The following RINT1 variants were observed in gnomAD, a reference collection of about 807,000 sequenced individuals.
RINT1 encodes the protein RAD50 interactor 1, also known as RAD50-interacting protein 1.
RINT1 carries 75 observed loss-of-function variants against 97.7 expected under a neutral mutation model. The ratio of observed to expected loss-of-function variants is 0.77; its 90% CI spans 0.64 to 0.93. The LOEUF is 0.93. Ranked by LOEUF, RINT1 falls within the 40% of genes least tolerant of loss-of-function variation. The pLI is 0.00. For synonymous variants in RINT1, 303 were observed against 326.3 expected (o/e 0.93, Z 0.77); for missense variants, 892 against 925.2 (o/e 0.96, Z 0.47).
chr7:105,564,747 T>TC (rs1791615460), intron 12 of RINT1, among the ~76,000 whole-genome samples: 1 of 152,144 alleles, frequency 6.6e-6, no homozygotes, highest in South Asian at 2.1e-4. Flanking sequence ...ACACCTGTAA[T>TC]CCCAGCACTT....
intron 11 of RINT1, among the ~76,000 whole-genome samples, chr7:105,557,176 TAATATG>T (rs1791216333): frequency 6.6e-6 from 1 of 152,074 alleles, no homozygotes; most frequent in African/African-American, 2.4e-5. Flanking sequence ...ATGAAAATTT[TAATATG>T]AATTATTAAT....
Position 105,565,668 on chromosome 7 carries a change from A to G in RINT1, c.2186+20A>G. Reference sequence around the variant, plus strand: ...TAAACAGTAAGCTCAACATTTAACAATTAATATTAATGTATCAAATTGTTA... The same window carrying G: ...TAAACAGTAAGCTCAACATTTAACAGTTAATATTAATGTATCAAATTGTTA... On this transcript the variant is annotated intron_variant, in intron 14 of 14. Transcript: ENST00000257700. 1 of 1,443,350 alleles carries G rather than the reference A, an allele frequency of 6.9e-7. No homozygotes were observed. Among genetic ancestry groups the G allele is most frequent in the African/African-American group, 1.4e-5 (1 of 71,266 alleles). 89.4% of individuals were successfully genotyped at this position (1,443,350 alleles called of 1,614,324 possible).
rs923511488 is a variant in RINT1, at chr7:105,548,603, C to T, written c.889C>T (p.Pro297Ser). 16 of 1,614,030 alleles carry T rather than the reference C, an allele frequency of 9.9e-6. No homozygotes were observed. The highest frequency in any genetic ancestry group is 1.4e-5 in the Non-Finnish European group (16 of 1,180,018). ...GCAACTCCCAGAAAAATACTCTCTT[C>T]CTGCCTCCCCTTCTGTCATCCTGCC... ...PKQLPEKYSL[P>S]ASPSVILPIQ... Residue 297 changes from proline to serine, a missense_variant, in exon 7 of 15, where the codon CCT (proline) becomes TCT (serine). Physicochemically the swap from Pro to Ser is moderately conservative, Grantham distance 74. Coordinates refer to ENST00000257700, the MANE Select transcript of RINT1 (RefSeq NM_021930.6).
chr7:105,549,977 C>T, intron 7 of RINT1, 78 bp from the exon 8 acceptor site: 1 of 906,194 alleles, frequency 1.1e-6, no homozygotes, highest in Non-Finnish European at 1.7e-6. Flanking sequence ...TGTGCATATA[C>T]AATTAAATAG....
At chr7:105,558,553 C>T (rs766477361) in intron 11 of RINT1, among the ~76,000 whole-genome samples, 4 of 152,062 alleles carry the variant, frequency 2.6e-5, no homozygotes, top group South Asian at 2.1e-4. Context: ...TGGCTGGGCA[C>T]GATGTCTCAC....
intron 3 of RINT1, among the ~76,000 whole-genome samples, chr7:105,540,079 CTTTT>C (rs769840794): frequency 7.4e-6 from 1 of 135,940 alleles, no homozygotes; most frequent in African/African-American, 2.7e-5. Flanking sequence ...ATGCCATTTT[CTTTT>C]TTTTTTTTTT....
At chr7:105,532,695 T>C (rs1790081921) in intron 1 of RINT1, 129 bp from the exon 2 acceptor site, 7 of 1,000,892 alleles carry the variant, frequency 7.0e-6, no homozygotes, top group Non-Finnish European at 1.1e-5. Flanking sequence ...CGGACGGCCC[T>C]GGTCGCTCAG....
At chr7:105,556,140 C>A (rs371140279) in intron 11 of RINT1, among the ~76,000 whole-genome samples, 3 of 150,700 alleles carry the variant, frequency 2.0e-5, no homozygotes, top group East Asian at 3.9e-4. Flanking sequence ...GATCTCGGCT[C>A]ACTGCAACCT....
At chr7:105,546,057 G>T (rs903156284) in intron 4 of RINT1, among the ~76,000 whole-genome samples, 5 of 152,088 alleles carry the variant, frequency 3.3e-5, no homozygotes, top group Admixed American at 6.6e-5. Context: ...TCAAACTCCT[G>T]ACCTCCGGAG....
chr7:105,567,141 T>C lies in RINT1; in HGVS notation c.2209T>C (p.Leu737=). 6.3e-7 allele frequency: 1 copy of C among 1,578,764 alleles called. No individual in the cohort carries two copies. Among genetic ancestry groups the C allele is most frequent in the African/African-American group, 1.4e-5 (1 of 73,198 alleles). The change falls in exon 15 of 15, where the codon TTG becomes CTG. Residue 737 remains leucine, a synonymous_variant. Coordinates refer to ENST00000257700, the MANE Select transcript of RINT1 (RefSeq NM_021930.6). ...FKHIKEACIV[L]NLNVGSALLL... is the part of the protein sequence containing the mutation. ...CAGTATAAAAGAAGCCTGTATTGTT[T>C]TGAATTTGAACGTCGGTTCTGCACT...
intron 2 of RINT1, chr7:105,535,618 T>A: frequency 2.2e-6 from 1 of 453,558 alleles, no homozygotes; most frequent in South Asian, 1.6e-5. Context: ...AGTAGTGAGA[T>A]CATGGCTCAC....
chr7:105,532,774 C>T, intron 1 of RINT1, 50 bp from the exon 2 acceptor site: 1 of 1,596,852 alleles, frequency 6.3e-7, no homozygotes, highest in Non-Finnish European at 8.6e-7. Context: ...GTATGCTTTC[C>T]ATCCACGACT....
At position 105,563,632 on chromosome 7, in the gene RINT1, G is replaced by C. The variant is rs1586266556; in HGVS notation, c.1672-101G>C. On this transcript the variant is annotated intron_variant, in intron 11 of 14. Transcript: ENST00000257700. ...CAGGCATGAGCCACCGTGCCCGGTC[G>C]AATTATACACTTTAAATGGGTGAAT... 2.9e-6 allele frequency: 3 copies of C among 1,028,882 alleles called. No individual in the cohort carries two copies. In the South Asian group the frequency reaches 4.7e-5, roughly 16 times the overall value. The allele number at this position is 1,028,882 out of a possible 1,614,324, so 63.7% of individuals were successfully genotyped here.
chr7:105,563,651 G>A lies in RINT1; in HGVS notation c.1672-82G>A, dbSNP rs919568615. On this transcript the variant is annotated intron_variant, in intron 11 of 14. Transcript: ENST00000257700. ...CCGGTCGAATTATACACTTTAAATG[G>A]GTGAATTGTATGACATATGAATTCT... is the stretch of plus-strand genomic sequence containing the variant. The A allele has an allele frequency of 3.3e-5, 39 of 1,173,984 alleles. No individual in the cohort carries two copies. In the African/African-American group the frequency reaches 5.3e-4, roughly 16 times the overall value. 72.7% of individuals were successfully genotyped at this position (1,173,984 alleles called of 1,614,324 possible).
intron 3 of RINT1, among the ~76,000 whole-genome samples, chr7:105,537,005 AC>A (rs1562840300): frequency 6.6e-6 from 1 of 152,118 alleles, no homozygotes; most frequent in Non-Finnish European, 1.5e-5. Flanking sequence ...TCATAGAGTG[AC>A]TTTTTTTTCC....
chr7:105,550,320 T>C lies in RINT1; in HGVS notation c.1167T>C (p.Pro389=), dbSNP rs1586241167. ...TTGAGAAGTTAGCCACTGATATTCC[T>C]TGTCTGCTATATGATGACAATCTCT... The part of the protein sequence containing the change: ...LVLEKLATDI[P]CLLYDDNLFC... Residue 389 remains proline, a synonymous_variant, in exon 9 of 15, where the codon CCT becomes CCC. Transcript: ENST00000257700. The C allele has an allele frequency of 8.1e-6, 13 of 1,614,182 alleles. No individual in the cohort carries two copies. Among genetic ancestry groups the C allele is most frequent in the Non-Finnish European group, 1.1e-5 (13 of 1,180,032 alleles).
intron 3 of RINT1, among the ~76,000 whole-genome samples, chr7:105,540,095 T>A (rs971227376): frequency 5.3e-4 from 80 of 151,338 alleles, no homozygotes; most frequent in Non-Finnish European, 9.3e-4. Flanking sequence ...TTTTTTTTTT[T>A]TGAGATGGAG....
At chr7:105,563,712 T>G in intron 11 of RINT1, 21 bp from the exon 12 acceptor site, 1 of 1,586,318 alleles carries the variant, frequency 6.3e-7, no homozygotes, top group Non-Finnish European at 8.6e-7. Flanking sequence ...TGCTAATGTG[T>G]TAACATGTTT....
intron 3 of RINT1, among the ~76,000 whole-genome samples, chr7:105,538,363 T>C (rs75647451): frequency 6.6e-6 from 1 of 152,144 alleles, no homozygotes; most frequent in African/African-American, 2.4e-5. Context: ...TTCCAGGTTT[T>C]TGGTCATCGT....
Sources: gnomAD v4.1 joint callset for allele counts (sites outside exome capture counted in the v4.1 genomes callset) on GRCh38, gnomAD v4.1.1 for gene constraint, MANE v1.5 for transcripts, NCBI Gene and HGNC (gene_info 2026-07-23, HGNC 2026-07-21) for gene names.